MOB4: variants seen among roughly 807,000 people sequenced by gnomAD.
MOB4 encodes MOB family member 4, phocein.
Under a neutral mutation model 32.2 loss-of-function variants are expected in MOB4, and 4 were observed. The ratio of observed to expected loss-of-function variants is 0.12; its 90% CI spans 0.06 to 0.28. The LOEUF (loss-of-function observed/expected upper bound fraction) is 0.28. Ranked by LOEUF, MOB4 falls within the 10% of genes least tolerant of loss-of-function variation. The probability of loss-of-function intolerance (pLI) is 1.00; values close to 1 mark genes in which losing one functional copy is unlikely to be tolerated. For synonymous variants in MOB4, 88 were observed against 88.1 expected (o/e 1.00, Z 0.01); for missense variants, 158 against 271.2 (o/e 0.58, Z 2.93).
At chr2:197,516,405 G>A in intron 1 of MOB4, 1 of 1,388,400 alleles carries the variant, frequency 7.2e-7, no homozygotes, top group Non-Finnish European at 9.4e-7. Flanking sequence ...GCCTGCCGAA[G>A]CCCTGGGCTG....
intron 1 of MOB4, among the ~76,000 whole-genome samples, chr2:197,523,362 G>C (rs1216351809): frequency 6.6e-6 from 1 of 152,222 alleles, no homozygotes; most frequent in Non-Finnish European, 1.5e-5. Context: ...GTGAGAGGCT[G>C]AGGTGGGATG....
At chr2:197,525,502 G>A (rs1309494653) in intron 2 of MOB4, among the ~76,000 whole-genome samples, 2 of 152,058 alleles carry the variant, frequency 1.3e-5, no homozygotes, top group African/African-American at 4.8e-5. Context: ...TTGGGAGGCC[G>A]AGGAGGGAGG....
In MOB4 at chr2:197,552,877, AC is replaced by A. The variant is rs2087120202; in HGVS notation, c.*2232del. 1 of 152,260 alleles carries A rather than the reference AC, an allele frequency of 6.6e-6. No individual in the cohort carries two copies. The highest frequency in any genetic ancestry group is 6.5e-5 in the Admixed American group (1 of 15,284). The allele number at this position is 152,260 out of a possible 1,614,324, so 9.4% of individuals were successfully genotyped here. On this transcript the variant is annotated 3_prime_UTR_variant, in exon 8 of 8. Transcript: ENST00000323303. ...CTGTGTGATAAGGAAGTTAGGCTCC[AC>A]TTTTTGTTTGAATTACCCTATGTAT...
chr2:197,519,464 A>G (rs965100487), intron 1 of MOB4, among the ~76,000 whole-genome samples: 2 of 152,210 alleles, frequency 1.3e-5, no homozygotes, highest in Admixed American at 6.5e-5. Flanking sequence ...CATATAACCT[A>G]TGCACATTCT....
intron 5 of MOB4, among the ~76,000 whole-genome samples, chr2:197,546,219 G>C (rs573342650): frequency 6.6e-6 from 1 of 151,438 alleles, no homozygotes; most frequent in Non-Finnish European, 1.5e-5. Context: ...CTGCCACTGC[G>C]CACAGCTAAT....
chr2:197,518,967 C>G (rs2086466830), intron 1 of MOB4, among the ~76,000 whole-genome samples: 1 of 151,796 alleles, frequency 6.6e-6, no homozygotes, highest in African/African-American at 2.4e-5. Flanking sequence ...ACTGTGTTAG[C>G]CAGGATGGTC....
chr2:197,548,297 G>C, intron 5 of MOB4, 39 bp from the exon 6 acceptor site: 1 of 1,554,890 alleles, frequency 6.4e-7, no homozygotes, highest in Non-Finnish European at 8.8e-7. Flanking sequence ...TTAAGAGAGA[G>C]CTCTTTGTTG....
intron 1 of MOB4, among the ~76,000 whole-genome samples, chr2:197,518,265 CT>C (rs903259068): frequency 4.0e-5 from 6 of 151,184 alleles, no homozygotes; most frequent in African/African-American, 7.3e-5. Context: ...TTCTTTCTTT[CT>C]TTTTTTTGTT....
At chr2:197,520,893 TAAAA>T (rs77272123) in intron 1 of MOB4, among the ~76,000 whole-genome samples, 6 of 107,900 alleles carry the variant, frequency 5.6e-5, no homozygotes, top group Admixed American at 1.0e-4. Context: ...CCTCGTCTCT[TAAAA>T]AAAAAAAAAA....
intron 3 of MOB4, among the ~76,000 whole-genome samples, chr2:197,539,413 G>A (rs1438283211): frequency 2.0e-5 from 3 of 148,824 alleles, no homozygotes; most frequent in Non-Finnish European, 4.4e-5. Flanking sequence ...CCGACTCCCA[G>A]GTTCAAGCAG....
chr2:197,548,566 T>A (rs1057223695), intron 6 of MOB4, 151 bp downstream of exon 6: 2 of 453,768 alleles, frequency 4.4e-6, no homozygotes, highest in African/African-American at 4.0e-5. Context: ...ATGGCACATG[T>A]ATACATATGT....
intron 2 of MOB4, among the ~76,000 whole-genome samples, chr2:197,535,239 A>AAAG (rs1559319914): frequency 1.3e-5 from 2 of 148,282 alleles, no homozygotes. Flanking sequence ...AAAAAAAAAA[A>AAAG]AAAGAAATTA....
intron 2 of MOB4, among the ~76,000 whole-genome samples, chr2:197,530,687 A>G (rs2086686203): frequency 6.6e-6 from 1 of 151,538 alleles, no homozygotes; most frequent in African/African-American, 2.4e-5. Flanking sequence ...TGTACAGTGG[A>G]CTTCTTAGGC....
At position 197,548,354 on chromosome 2, in the gene MOB4, A is replaced by G; in HGVS notation, c.373A>G (p.Thr125Ala). 3 of 1,612,534 alleles carry G rather than the reference A, an allele frequency of 1.9e-6. No homozygotes were observed. The highest frequency in any genetic ancestry group is 2.5e-6 in the Non-Finnish European group (3 of 1,179,296). ...TTTGTAGTGTCCTGCTATAGACTAT[A>G]CTAGACACACACTTGATGGTGCTGC... ...TPKECPAIDY[T>A]RHTLDGAACL... Residue 125 changes from threonine (T) to alanine (A), a missense_variant, in exon 6 of 8, where the codon ACT becomes GCT. Physicochemically the swap from Thr to Ala is moderately conservative, Grantham distance 58 (BLOSUM62 0). Coordinates refer to ENST00000323303, the MANE Select transcript of MOB4 (RefSeq NM_015387.5).
intron 3 of MOB4, among the ~76,000 whole-genome samples, chr2:197,536,497 G>A (rs1400469310): frequency 1.3e-5 from 2 of 151,478 alleles, no homozygotes; most frequent in South Asian, 2.1e-4. Context: ...GCCAGCCTGG[G>A]TTTTATTCTT....
Position 197,553,059 on chromosome 2 carries a change from TGA to T in MOB4, c.*2416_*2417del, listed in dbSNP as rs1340764741. On this transcript the variant is annotated 3_prime_UTR_variant, in exon 8 of 8. Transcript: ENST00000323303. ...TGTATACATTTCCTTTTCTCTGACTTGAGATGTCAAATTTGGATTTCTAGAAC... is the reference window on the plus strand; with the variant it reads ...TGTATACATTTCCTTTTCTCTGACTTGATGTCAAATTTGGATTTCTAGAAC... The T allele has an allele frequency of 6.6e-6, 1 of 152,214 alleles. No individual in the cohort carries two copies. The highest frequency in any genetic ancestry group is 1.5e-5 in the Non-Finnish European group (1 of 68,036). The allele number at this position is 152,214 out of a possible 1,614,324, so 9.4% of individuals were successfully genotyped here. A position where few individuals can be genotyped will look rare whatever the true frequency, so the allele number is the denominator to read the frequency against.
chr2:197,539,132 CT>C (rs1210809951), intron 3 of MOB4, among the ~76,000 whole-genome samples: 1 of 151,542 alleles, frequency 6.6e-6, no homozygotes, highest in African/African-American at 2.4e-5. Context: ...TTCAATTTTT[CT>C]GATGGGGAAA....
chr2:197,533,689 C>T (rs1327490093), intron 2 of MOB4: 1 of 301,290 alleles, frequency 3.3e-6, no homozygotes, highest in Non-Finnish European at 6.3e-6. Flanking sequence ...TGAGCCATTG[C>T]ACTCCAGCCT....
intron 2 of MOB4, among the ~76,000 whole-genome samples, chr2:197,524,554 C>T (rs1273855272): frequency 6.9e-6 from 1 of 145,598 alleles, no homozygotes; most frequent in Non-Finnish European, 1.5e-5. Flanking sequence ...AAAACAAAAA[C>T]AAAAACAAAA....
Sources: gnomAD v4.1 joint callset for allele counts (sites outside exome capture counted in the v4.1 genomes callset) on GRCh38, gnomAD v4.1.1 for gene constraint, MANE v1.5 for transcripts, NCBI Gene and HGNC (gene_info 2026-07-23, HGNC 2026-07-21) for gene names.